The following RPS6KC1 variants were observed in gnomAD, a reference collection of about 807,000 sequenced individuals.
RPS6KC1 encodes inactive ribosomal protein S6 kinase delta-1.
In RPS6KC1, 54 loss-of-function variants were observed where a neutral mutation model predicts 103.8. The ratio of observed to expected loss-of-function variants is 0.52; its 90% CI spans 0.42 to 0.65. RPS6KC1 has a LOEUF of 0.65. Ranked by LOEUF, RPS6KC1 falls within the 30% of genes least tolerant of loss-of-function variation. The pLI is 0.00. For synonymous variants in RPS6KC1, 439 were observed against 438.7 expected, an observed-to-expected ratio of 1.00 and a Z score of -0.01; for missense variants, 1,151 against 1,253.8, an observed-to-expected ratio of 0.92 and a Z score of 1.24.
At chr1:213,595,008 G>C in the RPS6KC1 span, among the ~76,000 whole-genome samples, 1 of 152,144 alleles carries the variant, frequency 6.6e-6, no homozygotes, top group Admixed American at 6.5e-5. Context: ...ACATCAAATA[G>C]GAGGAGGAAG....
chr1:213,670,833 A>G, the RPS6KC1 span, among the ~76,000 whole-genome samples: 1 of 152,208 alleles, frequency 6.6e-6, no homozygotes, highest in African/African-American at 2.4e-5. Flanking sequence ...GTCAGCCTCC[A>G]GTTCCAGCAC....
At chr1:213,120,383 C>A (rs1353060752) in intron 5 of RPS6KC1, among the ~76,000 whole-genome samples, 1 of 152,164 alleles carries the variant, frequency 6.6e-6, no homozygotes, top group Middle Eastern at 3.2e-3. Context: ...AGACAGCTTG[C>A]AAATTCATTG....
chr1:213,251,421 G>A (rs1345938909), intron 12 of RPS6KC1, among the ~76,000 whole-genome samples: 3 of 152,082 alleles, frequency 2.0e-5, no homozygotes, highest in Non-Finnish European at 4.4e-5. Flanking sequence ...TTCTTTTCTT[G>A]ATGTAGCACA....
the RPS6KC1 span, among the ~76,000 whole-genome samples, chr1:213,706,321 C>A: frequency 6.6e-6 from 1 of 152,182 alleles, no homozygotes; most frequent in Non-Finnish European, 1.5e-5. Context: ...CTTCTGTGGG[C>A]AGGCATCAGC....
chr1:213,304,761 G>A, the RPS6KC1 span, among the ~76,000 whole-genome samples: 2 of 152,030 alleles, frequency 1.3e-5, no homozygotes, highest in Admixed American at 6.6e-5. Flanking sequence ...GGCTGGTCTC[G>A]AACTCGTGAC....
At chr1:213,186,660 A>G (rs528418458) in intron 8 of RPS6KC1, among the ~76,000 whole-genome samples, 8 of 152,254 alleles carry the variant, frequency 5.3e-5, no homozygotes, top group Admixed American at 1.3e-4. Flanking sequence ...TAAGCATTCT[A>G]GCCCTTGGTG....
At chr1:213,591,751 A>G in the RPS6KC1 span, among the ~76,000 whole-genome samples, 1 of 152,186 alleles carries the variant, frequency 6.6e-6, no homozygotes, top group Non-Finnish European at 1.5e-5. Context: ...GAGGTTAATG[A>G]AACAGGTCTA....
At chr1:213,669,201 A>G in the RPS6KC1 span, among the ~76,000 whole-genome samples, 1 of 152,210 alleles carries the variant, frequency 6.6e-6, no homozygotes, top group African/African-American at 2.4e-5. Context: ...TGCCTTCCTT[A>G]CTAAGCTTAA....
chr1:213,517,721 A>G, the RPS6KC1 span, among the ~76,000 whole-genome samples: 7 of 150,898 alleles, frequency 4.6e-5, no homozygotes, highest in African/African-American at 7.3e-5. Context: ...TTGGGGTGGA[A>G]AGTTCTGTAG....
the RPS6KC1 span, among the ~76,000 whole-genome samples, chr1:213,451,073 C>T: frequency 2.7e-4 from 41 of 152,218 alleles, no homozygotes; most frequent in African/African-American, 9.4e-4. Flanking sequence ...TAGTTCACAT[C>T]GAAAAGAGCA....
chr1:213,261,572 A>G lies in RPS6KC1; in HGVS notation c.2926A>G (p.Thr976Ala). The change falls in exon 13 of 15, where the codon ACT becomes GCT. Residue 976 changes from threonine to alanine, a missense_variant. Around this residue, in one of 3 missense-constraint regions of RPS6KC1, gnomAD observed 189 missense variants for 228.8 expected, o/e 0.83. Transcript: ENST00000366960. ...GGTGTGGTTAGAGGTTGGAGCAATCACTGAAGAAACTGAAGCCTGTGATTG... is the reference window on the plus strand; with the variant it reads ...GGTGTGGTTAGAGGTTGGAGCAATCGCTGAAGAAACTGAAGCCTGTGATTG... Reference protein sequence around the residue: ...MYCAPEVGAITEETEACDWWS... With the variant: ...MYCAPEVGAIAEETEACDWWS... 2 of 1,614,036 alleles carry G rather than the reference A, an allele frequency of 1.2e-6. No individual in the cohort carries two copies. The highest frequency in any genetic ancestry group is 1.7e-6 in the Non-Finnish European group (2 of 1,179,918).
chr1:213,502,712 A>G, the RPS6KC1 span, among the ~76,000 whole-genome samples: 4 of 152,218 alleles, frequency 2.6e-5, no homozygotes, highest in Non-Finnish European at 4.4e-5. Flanking sequence ...TTACAAAATA[A>G]CATAAACCAT....
At chr1:213,460,695 C>T in the RPS6KC1 span, among the ~76,000 whole-genome samples, 5 of 152,096 alleles carry the variant, frequency 3.3e-5, no homozygotes, top group African/African-American at 1.2e-4. Flanking sequence ...ATGGTCTTTA[C>T]AATTTGGTAT....
the RPS6KC1 span, among the ~76,000 whole-genome samples, chr1:213,484,802 C>A: frequency 6.6e-6 from 1 of 152,182 alleles, no homozygotes; most frequent in African/African-American, 2.4e-5. Flanking sequence ...TCCCAGGAAA[C>A]TGTGACAGCA....
chr1:213,732,670 G>A, the RPS6KC1 span, among the ~76,000 whole-genome samples: 167 of 152,228 alleles, frequency 1.1e-3, no homozygotes, highest in Middle Eastern at 3.4e-3. Flanking sequence ...GGGGATAGTG[G>A]GAGTAGTTGA....
At chr1:213,386,411 T>C in the RPS6KC1 span, among the ~76,000 whole-genome samples, 1 of 152,206 alleles carries the variant, frequency 6.6e-6, no homozygotes, top group African/African-American at 2.4e-5. Context: ...AAGTGGGTTG[T>C]TACCGTACCT....
the RPS6KC1 span, among the ~76,000 whole-genome samples, chr1:213,432,861 T>G: frequency 6.6e-6 from 1 of 152,240 alleles, no homozygotes; most frequent in South Asian, 2.1e-4. Context: ...ATTGTATGAA[T>G]GTACTACAAT....
At chr1:213,562,542 A>T in the RPS6KC1 span, among the ~76,000 whole-genome samples, 1 of 151,620 alleles carries the variant, frequency 6.6e-6, no homozygotes, top group African/African-American at 2.4e-5. Flanking sequence ...GTTGCCGGCC[A>T]CCACGCCCGG....
intron 4 of RPS6KC1, among the ~76,000 whole-genome samples, chr1:213,111,645 C>T (rs1047584458): frequency 1.5e-4 from 23 of 152,058 alleles, no homozygotes; most frequent in Non-Finnish European, 2.1e-4. Flanking sequence ...GTTCTAAATA[C>T]TCTGTGTGTA....
Sources: allele counts gnomAD v4.1 joint callset (sites outside exome capture counted in the v4.1 genomes callset), GRCh38; gene constraint gnomAD v4.1.1; regional missense constraint gnomAD v4.1.1; transcripts MANE v1.5; gene names NCBI Gene and HGNC (gene_info 2026-07-23, HGNC 2026-07-21).